NAP1L1: variants seen among roughly 807,000 people sequenced by gnomAD.
The protein encoded by NAP1L1 is nucleosome assembly protein 1 like 1.
Under a neutral mutation model 58.9 loss-of-function variants are expected in NAP1L1, and 9 were observed. That is an observed-to-expected ratio of 0.15 (90% CI 0.09 to 0.27). NAP1L1 has a LOEUF of 0.27. Ranked by LOEUF, NAP1L1 falls within the 10% of genes least tolerant of loss-of-function variation. The probability of loss-of-function intolerance (pLI) is 1.00; values close to 1 mark genes in which losing one functional copy is unlikely to be tolerated. For missense variants in NAP1L1, 302 were observed against 458.8 expected (o/e 0.66, Z 3.12); for synonymous variants, 130 against 138.3 (o/e 0.94, Z 0.42).
chr12:76,046,048 A>G lies in NAP1L1; in HGVS notation c.*2381T>C, dbSNP rs1250317054. The G allele has an allele frequency of 1.3e-5, 2 of 151,972 alleles. No homozygotes were observed. The highest frequency in any genetic ancestry group is 4.8e-5 in the African/African-American group (2 of 41,416). The allele number at this position is 151,972 out of a possible 1,614,324, so 9.4% of individuals were successfully genotyped here. On this transcript the variant is annotated 3_prime_UTR_variant, in exon 15 of 15. Transcript: ENST00000618691. ...GGATTGTGAGGTTGCTCTTAAAATT[A>G]TATATTTACAGAACATAGTGGCCTC...
Position 76,067,400 on chromosome 12 carries a change from C to T in NAP1L1, c.177G>A (p.Leu59=). 6.2e-7 allele frequency: 1 copy of T among 1,609,370 alleles called. No individual in the cohort carries two copies. The highest frequency in any genetic ancestry group is 8.5e-7 in the Non-Finnish European group (1 of 1,177,114). The change falls in exon 4 of 15, where the codon CTG becomes CTA. Residue 59 remains leucine, a synonymous_variant. Coordinates refer to ENST00000618691, the MANE Select transcript of NAP1L1 (RefSeq NM_004537.7). ...LAALQERLDG[L]VETPTGYIES... ...CAATGTATCCTGTTGGTGTTTCTACCAGACCATCAAGTCTTTCTTGAAGGG... is the reference window on the plus strand; with the variant it reads ...CAATGTATCCTGTTGGTGTTTCTACTAGACCATCAAGTCTTTCTTGAAGGG...
At chr12:76,084,064 C>G (rs1950513906) in intron 1 of NAP1L1, 1 of 152,282 alleles carries the variant, frequency 6.6e-6, no homozygotes, top group East Asian at 1.9e-4. Flanking sequence ...TCCACAGCCC[C>G]TCCCTCCCGT....
chr12:76,068,987 G>T lies in NAP1L1; in HGVS notation c.25C>A (p.Gln9Lys), dbSNP rs371131424. MADIDNKE[Q>K]SELDQDLDDV... ...TCCAAATCTTGATCAAGTTCAGACT[G>T]TTCTTTGCTATAATATCATAGTATC... Residue 9 changes from glutamine (Q) to lysine (K), a missense_variant, in exon 3 of 15, where the codon CAG (glutamine) becomes AAG (lysine). Transcript: ENST00000618691. The T allele has an allele frequency of 1.2e-6, 2 of 1,609,878 alleles. No individual in the cohort carries two copies.
rs1342743436 is a variant in NAP1L1 at position 76,053,370 on chromosome 12, A to T, written c.771-20T>A. On this transcript the variant is annotated intron_variant, in intron 9 of 14. Transcript: ENST00000618691. ...TGGCACCTTGCAAAACAAAGAAGAA[A>T]AATCTATTACAATTGACAATCTTTC... is the stretch of plus-strand genomic sequence containing the variant. 1 of 1,602,482 alleles carries T rather than the reference A, an allele frequency of 6.2e-7. No homozygotes were observed. Among genetic ancestry groups the T allele is most frequent in the South Asian group, 1.1e-5 (1 of 87,954 alleles).
chr12:76,082,745 C>T (rs975782360), intron 1 of NAP1L1, among the ~76,000 whole-genome samples: 1 of 152,132 alleles, frequency 6.6e-6, no homozygotes, highest in African/African-American at 2.4e-5. Flanking sequence ...TCATTTACTT[C>T]CCTTCGATTT....
At chr12:76,056,591 TCA>T in intron 6 of NAP1L1, 1 of 455,756 alleles carries the variant, frequency 2.2e-6, no homozygotes, top group South Asian at 1.6e-5. Context: ...TGAATGTGTG[TCA>T]CAGCTCTGCC....
rs1222536736 is a variant in NAP1L1 at position 76,059,808 on chromosome 12, T to C, written c.419A>G (p.Asp140Gly). ...EECEWKPDEE[D>G]EISEELKEKA... Reference sequence around the variant, plus strand: ...AAAGTTGGTACTAACCGAAATCTCATCTTCTTCATCTGGTTTCCATTCACA... The same window carrying C: ...AAAGTTGGTACTAACCGAAATCTCACCTTCTTCATCTGGTTTCCATTCACA... The change falls in exon 6 of 15, where the codon GAT (aspartate) becomes GGT (glycine). Residue 140 changes from aspartate (D) to glycine (G), a missense_variant. Transcript: ENST00000618691. 6.2e-7 allele frequency: 1 copy of C among 1,601,208 alleles called. No homozygotes were observed. Among genetic ancestry groups the C allele is most frequent in the East Asian group, 2.2e-5 (1 of 44,702 alleles).
intron 4 of NAP1L1, among the ~76,000 whole-genome samples, chr12:76,064,846 A>G (rs889536962): frequency 6.6e-6 from 1 of 152,094 alleles, no homozygotes. Flanking sequence ...CCCCAACTCC[A>G]AAGTCCCAAA....
intron 4 of NAP1L1, among the ~76,000 whole-genome samples, chr12:76,065,783 GT>G (rs1003336613): frequency 6.6e-6 from 1 of 151,840 alleles, no homozygotes; most frequent in Non-Finnish European, 1.5e-5. Flanking sequence ...ACGTTTTAAG[GT>G]TTTTTTGCTT....
intron 1 of NAP1L1, among the ~76,000 whole-genome samples, chr12:76,079,684 ATT>A (rs202002589): frequency 2.7e-4 from 38 of 140,572 alleles, no homozygotes; most frequent in Admixed American, 5.0e-4. Context: ...GCTTGAAGGC[ATT>A]TTTTTTTTTT....
Position 76,056,021 on chromosome 12 carries a change from G to T in NAP1L1, c.558+12C>A. The T allele has an allele frequency of 6.2e-7, 1 of 1,609,924 alleles. No homozygotes were observed. Among genetic ancestry groups the T allele is most frequent in the South Asian group, 1.1e-5 (1 of 90,610 alleles). On this transcript the variant is annotated intron_variant, in intron 7 of 14. Transcript: ENST00000618691. ...CTTCAAAGTAAACTGGTACATTTAT[G>T]AATAAAATTACCTGAACCATATCAC...
chr12:76,040,263 G>C lies in NAP1L1; in HGVS notation c.*8166C>G, dbSNP rs1412635368. 2.0e-5 allele frequency: 3 copies of C among 152,078 alleles called. No homozygotes were observed. The highest frequency in any genetic ancestry group is 4.8e-5 in the African/African-American group (2 of 41,408). The allele number at this position is 152,078 out of a possible 1,614,324, so 9.4% of individuals were successfully genotyped here. A position where few individuals can be genotyped will look rare whatever the true frequency, so the allele number is the denominator to read the frequency against. On this transcript the variant is annotated 3_prime_UTR_variant, in exon 15 of 15. Coordinates refer to ENST00000618691, the MANE Select transcript of NAP1L1 (RefSeq NM_004537.7). The stretch of plus-strand genomic sequence containing the variant: ...GCTTGTTTTAAGCCATTAAGTTTTG[G>C]AGGTTGTTTTGTTATGCAGTACTAG...
At chr12:76,057,607 G>C in intron 6 of NAP1L1, 1 of 1,178,756 alleles carries the variant, frequency 8.5e-7, no homozygotes, top group Non-Finnish European at 1.2e-6. Flanking sequence ...AGCCAAGTTA[G>C]ATGCTGATTA....
In NAP1L1 at chr12:76,053,917, G is replaced by C; in HGVS notation, c.631-8C>G. On this transcript the variant is annotated splice_region_variant and splice_polypyrimidine_tract_variant and intron_variant, in intron 8 of 14. Coordinates refer to ENST00000618691, the MANE Select transcript of NAP1L1 (RefSeq NM_004537.7). ...AAATTCTAAGACAAAACTCTGGGGA[G>C]AGGAAGCATAAAAATCAGTTAAATA... The C allele has an allele frequency of 6.3e-7, 1 of 1,592,866 alleles. No individual in the cohort carries two copies. Among genetic ancestry groups the C allele is most frequent in the East Asian group, 2.3e-5 (1 of 43,976 alleles).
In NAP1L1 at chr12:76,045,916, A is replaced by C. The variant is rs917322934; in HGVS notation, c.*2513T>G. On this transcript the variant is annotated 3_prime_UTR_variant, in exon 15 of 15. Transcript: ENST00000618691. ...AAACTACAATCAGAGTGTAAAGACA[A>C]ATCTCAAAAATGTTTGTAGATAACT... 40 of 152,158 alleles carry C rather than the reference A, an allele frequency of 2.6e-4. No homozygotes were observed. The highest frequency in any genetic ancestry group is 9.1e-4 in the African/African-American group (38 of 41,566). The allele number at this position is 152,158 out of a possible 1,614,324, so 9.4% of individuals were successfully genotyped here.
chr12:76,048,679 G>GAC (rs1286882720), intron 14 of NAP1L1, among the ~76,000 whole-genome samples: 3 of 152,000 alleles, frequency 2.0e-5, no homozygotes, highest in Non-Finnish European at 2.9e-5. Flanking sequence ...CATAAAATGT[G>GAC]ACACACGCTA....
intron 4 of NAP1L1, among the ~76,000 whole-genome samples, chr12:76,062,231 C>T (rs528824727): frequency 1.3e-5 from 2 of 152,230 alleles, no homozygotes; most frequent in African/African-American, 4.8e-5. Context: ...GAATTGACAA[C>T]CAAAGGAGAC....
At chr12:76,058,016 G>A (rs1949201942) in intron 6 of NAP1L1, 1 of 803,728 alleles carries the variant, frequency 1.2e-6, no homozygotes, top group Non-Finnish European at 2.3e-6. Flanking sequence ...TAACAGAGGA[G>A]GATGAAATTA....
chr12:76,054,038 T>C (rs1168302000), intron 8 of NAP1L1, 129 bp from the exon 9 acceptor site: 4 of 1,122,096 alleles, frequency 3.6e-6, no homozygotes, highest in Non-Finnish European at 5.0e-6. Context: ...TGAAATACAA[T>C]CTTCTTTTTG....
Sources: allele counts gnomAD v4.1 joint callset (sites outside exome capture counted in the v4.1 genomes callset), GRCh38; gene constraint gnomAD v4.1.1; transcripts MANE v1.5; gene names NCBI Gene and HGNC (gene_info 2026-07-23, HGNC 2026-07-21).